The following CA8 variants were observed in gnomAD, a reference collection of about 807,000 sequenced individuals.
CA8 encodes carbonic anhydrase-related protein.
In CA8, 22 loss-of-function variants were observed where a neutral mutation model predicts 41.4. The ratio of observed to expected loss-of-function variants is 0.53; its 90% CI spans 0.38 to 0.76. CA8 has a LOEUF of 0.76. Among genes scored for constraint, CA8 ranks in the 30% least tolerant of loss-of-function variants. CA8 has a pLI of 0.00. For missense variants in CA8, 270 were observed against 352.8 expected (o/e 0.77, Z 1.88); for synonymous variants, 121 against 130.6 (o/e 0.93, Z 0.50).
At chr8:60,217,281 G>A (rs917980783) in intron 7 of CA8, among the ~76,000 whole-genome samples, 18 of 152,182 alleles carry the variant, frequency 1.2e-4, no homozygotes, top group African/African-American at 2.4e-4. Flanking sequence ...CACCCAGCTC[G>A]TCTACTTTGT....
chr8:60,216,445 A>G (rs995000735), intron 7 of CA8, among the ~76,000 whole-genome samples: 3 of 152,244 alleles, frequency 2.0e-5, no homozygotes, highest in African/African-American at 7.2e-5. Context: ...TTCCTTGAGA[A>G]GTACAGCTAA....
Position 60,227,794 on chromosome 8 carries a change from C to A in CA8, c.514-859G>T, listed in dbSNP as rs79703979. ...ATAAATAATAATGTGCTTTTTATAG[C>A]CTTCTTTTTAAAAACATATCACTAT... On this transcript the variant is annotated intron_variant, in intron 4 of 8. Coordinates refer to ENST00000317995, the MANE Select transcript of CA8 (RefSeq NM_004056.6). Among the ~76,000 whole-genome samples, 112 of 152,124 alleles carry A rather than the reference C, an allele frequency of 7.4e-4. 1 individual carries two copies. In the East Asian group the frequency reaches 0.018, roughly 25 times the overall value.
At chr8:60,234,647 C>T (rs1585885246) in intron 3 of CA8, among the ~76,000 whole-genome samples, 1 of 152,120 alleles carries the variant, frequency 6.6e-6, no homozygotes, top group Non-Finnish European at 1.5e-5. Context: ...TTGCTATGAC[C>T]CCCACATGTC....
chr8:60,273,952 T>C (rs1056770821), intron 2 of CA8, among the ~76,000 whole-genome samples: 2 of 152,256 alleles, frequency 1.3e-5, no homozygotes, highest in African/African-American at 2.4e-5. Flanking sequence ...TTTAGTTTGA[T>C]AAGTTTAAGC....
chr8:60,232,214 A>C, intron 4 of CA8, 70 bp downstream of exon 4: 4 of 1,217,488 alleles, frequency 3.3e-6, no homozygotes, highest in Non-Finnish European at 4.9e-6. Context: ...ATTGAGAATA[A>C]AAAAATTTTA....
rs1804416295 is a variant in CA8, at chr8:60,281,226, G to GAGCGC, written c.-84_-80dup. On this transcript the variant is annotated 5_prime_UTR_variant, in exon 1 of 9. Coordinates refer to ENST00000317995, the MANE Select transcript of CA8 (RefSeq NM_004056.6). ...TGGGCGCGGGGCTGGAGCCGGAGCG[G>GAGCGC]AGCGCGCGTGGGGGAGTGTGAGCAC... The GAGCGC allele has an allele frequency of 9.7e-7, 1 of 1,027,128 alleles. No individual in the cohort carries two copies. Among genetic ancestry groups the GAGCGC allele is most frequent in the East Asian group, 2.6e-5 (1 of 38,438 alleles). The allele number at this position is 1,027,128 out of a possible 1,614,324, so 63.6% of individuals were successfully genotyped here.
intron 7 of CA8, among the ~76,000 whole-genome samples, chr8:60,219,929 T>TAAAAAAAAAAAAAAAAAAAAAAAA (rs546162939): frequency 1.2e-5 from 1 of 82,032 alleles, no homozygotes; most frequent in African/African-American, 4.8e-5. Flanking sequence ...AATCTTAACT[T>TAAAAAAAAAAAAAAAAAAAAAAAA]AAAAAAAAAA....
chr8:60,258,714 C>T (rs1803634257), intron 3 of CA8, among the ~76,000 whole-genome samples: 1 of 152,094 alleles, frequency 6.6e-6, no homozygotes, highest in Admixed American at 6.5e-5. Context: ...TGATGGGAGA[C>T]AGTAACAGAT....
In CA8 at chr8:60,239,061, C is replaced by T. The variant is rs868510209; in HGVS notation, c.418-6682G>A. On this transcript the variant is annotated intron_variant, in intron 3 of 8. Transcript: ENST00000317995. Reference sequence around the variant, plus strand: ...AGAGGGGAGATAACTGGGATTTCTACCAAAATCATTTTATCAAAAGGGAGA... The same window carrying T: ...AGAGGGGAGATAACTGGGATTTCTATCAAAATCATTTTATCAAAAGGGAGA... 1.3e-4 allele frequency among the ~76,000 whole-genome samples: 20 copies of T among 152,116 alleles called. 1 individual carries two copies. The highest frequency in any genetic ancestry group is 4.2e-4 in the South Asian group (2 of 4,776).
intron 7 of CA8, among the ~76,000 whole-genome samples, chr8:60,212,728 C>T (rs10957122): frequency 0.35 from 53,388 of 151,992 alleles, 10,055 homozygotes; most frequent in Admixed American, 0.44. Context: ...CTATACAGCA[C>T]AGTACCTATA....
intron 7 of CA8, among the ~76,000 whole-genome samples, chr8:60,212,510 A>G (rs1209979019): frequency 6.6e-6 from 1 of 152,212 alleles, no homozygotes; most frequent in Admixed American, 6.5e-5. Context: ...ATTTCTTTCA[A>G]TCTATATCCA....
intron 3 of CA8, among the ~76,000 whole-genome samples, chr8:60,233,110 T>A (rs1163127567): frequency 6.6e-6 from 1 of 152,192 alleles, no homozygotes; most frequent in Non-Finnish European, 1.5e-5. Flanking sequence ...CAAGCTCAAT[T>A]CCTGATTAAA....
chr8:60,280,001 T>TCTC, intron 1 of CA8, 121 bp from the exon 2 acceptor site: 1 of 709,416 alleles, frequency 1.4e-6, no homozygotes, highest in Non-Finnish European at 2.3e-6. Flanking sequence ...ATACCATCAC[T>TCTC]ATACAGATGA....
At chr8:60,197,693 G>A (rs956378211) in intron 8 of CA8, among the ~76,000 whole-genome samples, 1 of 152,142 alleles carries the variant, frequency 6.6e-6, no homozygotes, top group Non-Finnish European at 1.5e-5. Context: ...TTTGAGAGAC[G>A]TTTGCTGCTG....
chr8:60,279,668 C>T lies in CA8; in HGVS notation c.292+21G>A, dbSNP rs1427754754. 6.8e-6 allele frequency: 11 copies of T among 1,606,300 alleles called. No homozygotes were observed. In the South Asian group the frequency reaches 9.9e-5, roughly 14 times the overall value. On this transcript the variant is annotated intron_variant, in intron 2 of 8. Transcript: ENST00000317995. ...CTGACTTCTAGTTTAAAAGACCACA[C>T]AAACATATTTTCTAAAATACCTGAT...
intron 3 of CA8, among the ~76,000 whole-genome samples, chr8:60,254,210 A>G (rs1205901501): frequency 6.6e-6 from 1 of 152,184 alleles, no homozygotes; most frequent in African/African-American, 2.4e-5. Context: ...TTAAACATAG[A>G]CACTTAAAAC....
intron 8 of CA8, among the ~76,000 whole-genome samples, chr8:60,201,221 A>G (rs1434397814): frequency 1.3e-5 from 2 of 152,250 alleles, no homozygotes; most frequent in African/African-American, 4.8e-5. Flanking sequence ...TCTTTGACAC[A>G]TCTAAAAGAA....
intron 7 of CA8, among the ~76,000 whole-genome samples, chr8:60,222,333 C>G (rs945846294): frequency 7.0e-6 from 1 of 143,542 alleles, no homozygotes; most frequent in Non-Finnish European, 1.6e-5. Flanking sequence ...CCCCACTTTA[C>G]GTCCAGACTT....
chr8:60,252,837 GA>G (rs34297301), intron 3 of CA8, among the ~76,000 whole-genome samples: 70,184 of 151,856 alleles, frequency 0.46, 18,625 homozygotes, highest in African/African-American at 0.75. Context: ...TCCAAACTGT[GA>G]AAAAAATTCA....
Sources: gnomAD v4.1 joint callset for allele counts (sites outside exome capture counted in the v4.1 genomes callset) on GRCh38, gnomAD v4.1.1 for gene constraint, MANE v1.5 for transcripts, NCBI Gene and HGNC (gene_info 2026-07-23, HGNC 2026-07-21) for gene names.